Variants in SSPN observed in about 807,000 individuals in gnomAD.
SSPN encodes sarcospan.
In SSPN, 15 loss-of-function variants were observed where a neutral mutation model predicts 19.1. The ratio of observed to expected loss-of-function variants is 0.78; its 90% CI spans 0.52 to 1.21. SSPN has a LOEUF of 1.21. Among genes scored for constraint, SSPN ranks in the 50% most tolerant of loss-of-function variants. SSPN has a pLI of 0.00. For synonymous variants in SSPN, 147 were observed against 140.3 expected, an observed-to-expected ratio of 1.05 and a Z score of -0.34; for missense variants, 291 against 314.0, an observed-to-expected ratio of 0.93 and a Z score of 0.55.
intron 1 of SSPN, among the ~76,000 whole-genome samples, chr12:26,127,101 T>C (rs1944371382): frequency 6.6e-6 from 1 of 152,218 alleles, no homozygotes; most frequent in Non-Finnish European, 1.5e-5. Flanking sequence ...CCAGGTCCCC[T>C]TCTAGATTTC....
intron 2 of SSPN, among the ~76,000 whole-genome samples, chr12:26,227,367 C>A (rs533369337): frequency 6.6e-6 from 1 of 152,138 alleles, no homozygotes; most frequent in Admixed American, 6.5e-5. Context: ...TGGGAGAAGC[C>A]GAGTCACTAA....
Position 26,195,957 on chromosome 12 carries a change from C to A in SSPN, c.279+6C>A. The A allele has an allele frequency of 1.3e-6, 2 of 1,491,892 alleles. No homozygotes were observed. The highest frequency in any genetic ancestry group is 1.3e-5 in the South Asian group (1 of 74,274). The allele number at this position is 1,491,892 out of a possible 1,614,324, so 92.4% of individuals were successfully genotyped here. On this transcript the variant is annotated splice_donor_region_variant and intron_variant, in intron 1 of 2. Transcript: ENST00000242729. ...CATTTTGGGCTGGGATCATTGTAAG[C>A]ATCAAGTCTGTTTTGCCTAAGCGCG...
At position 26,231,935 on chromosome 12, in the gene SSPN, G is replaced by A. The variant is rs1945238017; in HGVS notation, c.*859G>A. 3.0e-6 allele frequency: 3 copies of A among 985,220 alleles called. No homozygotes were observed. In the Admixed American group the frequency reaches 1.8e-4, roughly 61 times the overall value. The allele number at this position is 985,220 out of a possible 1,614,324, so 61.0% of individuals were successfully genotyped here. The stretch of plus-strand genomic sequence containing the variant: ...TGACTGTACTTACGCTGCACTGTCG[G>A]TGTTAAGAGAAATTACTCTCACAAG... On this transcript the variant is annotated 3_prime_UTR_variant, in exon 3 of 3. Coordinates refer to ENST00000242729, the MANE Select transcript of SSPN (RefSeq NM_005086.5).
chr12:26,211,805 C>T (rs1944989351), intron 1 of SSPN: 1 of 152,304 alleles, frequency 6.6e-6, no homozygotes, highest in Admixed American at 6.5e-5. Flanking sequence ...GGCTAAACTA[C>T]ACAGCAATGC....
chr12:26,173,553 T>C (rs902564823), intron 1 of SSPN, among the ~76,000 whole-genome samples: 1 of 152,228 alleles, frequency 6.6e-6, no homozygotes, highest in Non-Finnish European at 1.5e-5. Context: ...TTCTTTGCTT[T>C]CTCCTTACTC....
intron 1 of SSPN, among the ~76,000 whole-genome samples, chr12:26,220,994 T>A (rs776686990): frequency 1.3e-5 from 2 of 152,234 alleles, no homozygotes; most frequent in Non-Finnish European, 2.9e-5. Flanking sequence ...CCATTCTTCA[T>A]AGCCAGAAGG....
At chr12:26,208,475 T>C (rs1182811736) in intron 1 of SSPN, among the ~76,000 whole-genome samples, 1 of 152,210 alleles carries the variant, frequency 6.6e-6, no homozygotes, top group East Asian at 1.9e-4. Context: ...TTTGTTACTT[T>C]TGTTACTTAA....
intron 1 of SSPN, among the ~76,000 whole-genome samples, chr12:26,150,442 A>G (rs147216516): frequency 6.6e-6 from 1 of 152,164 alleles, no homozygotes; most frequent in Non-Finnish European, 1.5e-5. Context: ...TATTTTTTTC[A>G]TTTAAGCTAA....
At chr12:26,205,489 A>T (rs1333560329) in intron 1 of SSPN, among the ~76,000 whole-genome samples, 1 of 152,170 alleles carries the variant, frequency 6.6e-6, no homozygotes, top group East Asian at 1.9e-4. Flanking sequence ...TGTGGCATGC[A>T]TATCAGGCCA....
chr12:26,190,543 A>G (rs1464148373), upstream of SSPN, among the ~76,000 whole-genome samples: 3 of 152,230 alleles, frequency 2.0e-5, no homozygotes, highest in African/African-American at 7.2e-5. Context: ...TGCTGTTTGA[A>G]TATTTGACCC....
intron 1 of SSPN, among the ~76,000 whole-genome samples, chr12:26,178,347 A>ATG (rs138659783): frequency 0.04 from 5,980 of 150,978 alleles, 314 homozygotes; most frequent in African/African-American, 0.12. Context: ...GACTAAATGT[A>ATG]TGTGTGTGTG....
At chr12:26,190,722 T>A (rs889715139), upstream of SSPN, among the ~76,000 whole-genome samples, 1 of 152,234 alleles carries the variant, frequency 6.6e-6, no homozygotes, top group Non-Finnish European at 1.5e-5. Context: ...TATTAATTAC[T>A]GAGGGACATC....
chr12:26,148,472 A>C (rs1944506130), intron 1 of SSPN, among the ~76,000 whole-genome samples: 1 of 152,238 alleles, frequency 6.6e-6, no homozygotes, highest in Admixed American at 6.5e-5. Flanking sequence ...GGCTTGTGTG[A>C]TGATAAAGAA....
rs948998699 is a variant in SSPN at position 26,131,677 on chromosome 12, T to A, written c.-31+9525T>A. 1.3e-4 allele frequency among the ~76,000 whole-genome samples: 20 copies of A among 152,340 alleles called. 1 individual carries two copies. Among genetic ancestry groups the A allele is most frequent in the African/African-American group, 4.8e-4 (20 of 41,582 alleles). ...CAATGGGAGAAGAGGGACTAATTTCTAAGGCTGGGATTGGGAGGTGAATGC... is the reference window on the plus strand; with the variant it reads ...CAATGGGAGAAGAGGGACTAATTTCAAAGGCTGGGATTGGGAGGTGAATGC... On this transcript the variant is annotated intron_variant, in intron 1 of 2. Coordinates refer to the SSPN transcript ENST00000538142.
intron 2 of SSPN, 130 bp from the exon 3 acceptor site, chr12:26,230,581 A>G: frequency 9.6e-7 from 1 of 1,044,834 alleles, no homozygotes; most frequent in Non-Finnish European, 1.4e-6. Context: ...TTGTGTTTCT[A>G]AGAAGAGACA....
intron 1 of SSPN, among the ~76,000 whole-genome samples, chr12:26,150,560 C>T (rs1177670199): frequency 1.1e-5 from 1 of 91,576 alleles, no homozygotes; most frequent in African/African-American, 3.8e-5. Flanking sequence ...AAACAGAAGC[C>T]AAATGAAAAG....
chr12:26,137,656 A>ATATATTTTTT (rs1377562695), intron 1 of SSPN, among the ~76,000 whole-genome samples: 1 of 76,436 alleles, frequency 1.3e-5, no homozygotes, highest in Non-Finnish European at 2.2e-5. Flanking sequence ...ATATATATAT[A>ATATATTTTTT]TTTTTTTTTT....
chr12:26,147,276 G>GT (rs758424496), intron 1 of SSPN, among the ~76,000 whole-genome samples: 1 of 77,662 alleles, frequency 1.3e-5, no homozygotes. Context: ...GGTTTTTTTT[G>GT]TGTTTTTTTT....
In SSPN at chr12:26,231,179, A is replaced by C; in HGVS notation, c.*103A>C. The C allele has an allele frequency of 1.5e-6, 2 of 1,358,586 alleles. No individual in the cohort carries two copies. Among genetic ancestry groups the C allele is most frequent in the East Asian group, 2.6e-5 (1 of 39,110 alleles). 84.2% of individuals were successfully genotyped at this position (1,358,586 alleles called of 1,614,324 possible). ...AAGAAAGGAAAAAAATTGACAATAA[A>C]AGTCACTCTTCTAATTGAATATTTT... On this transcript the variant is annotated 3_prime_UTR_variant, in exon 3 of 3. Coordinates refer to ENST00000242729, the MANE Select transcript of SSPN (RefSeq NM_005086.5).
Sources: allele counts gnomAD v4.1 joint callset (sites outside exome capture counted in the v4.1 genomes callset), GRCh38; gene constraint gnomAD v4.1.1; transcripts MANE v1.5; gene names NCBI Gene and HGNC (gene_info 2026-07-23, HGNC 2026-07-21).